SLC24A2: variants seen among roughly 807,000 people sequenced by gnomAD.
The protein encoded by SLC24A2 is sodium/potassium/calcium exchanger 2.
A neutral mutation model predicts 62.0 loss-of-function variants in SLC24A2; 36 were observed. That is an observed-to-expected ratio of 0.58 (90% confidence interval 0.44 to 0.77). SLC24A2 has a LOEUF of 0.77. SLC24A2 is among the 30% of genes least tolerant of loss of function. The pLI is 0.00. For missense variants in SLC24A2, 846 were observed against 817.9 expected, an observed-to-expected ratio of 1.03 and a Z score of -0.42; for synonymous variants, 358 against 294.0, an observed-to-expected ratio of 1.22 and a Z score of -2.23.
chr9:19,560,168 C>G (rs1019751690), intron 7 of SLC24A2, among the ~76,000 whole-genome samples: 2 of 152,250 alleles, frequency 1.3e-5, no homozygotes, highest in Non-Finnish European at 1.5e-5. Context: ...GGTATGAAAA[C>G]AGGGAGAGTC....
chr9:19,896,997 T>C, the SLC24A2 span, among the ~76,000 whole-genome samples: 3 of 152,162 alleles, frequency 2.0e-5, no homozygotes, highest in Admixed American at 1.3e-4. Context: ...ACTGAGTAAA[T>C]GAAATGTATT....
chr9:19,676,847 T>C (rs1819576219), intron 2 of SLC24A2, among the ~76,000 whole-genome samples: 1 of 152,206 alleles, frequency 6.6e-6, no homozygotes, highest in Admixed American at 6.5e-5. Context: ...TTTATTAACA[T>C]TTTTAACAAT....
At chr9:20,261,223 A>C in the SLC24A2 span, among the ~76,000 whole-genome samples, 1 of 152,092 alleles carries the variant, frequency 6.6e-6, no homozygotes, top group African/African-American at 2.4e-5. Context: ...GAGAACATAC[A>C]ATGTCTGGTT....
At chr9:19,742,151 T>C (rs968392902) in intron 2 of SLC24A2, among the ~76,000 whole-genome samples, 8 of 152,198 alleles carry the variant, frequency 5.3e-5, no homozygotes, top group South Asian at 2.1e-4. Flanking sequence ...AAAGTGTTGA[T>C]GTCATAAGCA....
intron 9 of SLC24A2, among the ~76,000 whole-genome samples, chr9:19,522,601 T>G (rs1379525451): frequency 6.6e-6 from 1 of 152,226 alleles, no homozygotes; most frequent in African/African-American, 2.4e-5. Context: ...CCTGGTGAGC[T>G]GAACTAGCTT....
chr9:19,665,849 T>C (rs1253390855), intron 2 of SLC24A2, among the ~76,000 whole-genome samples: 1 of 152,082 alleles, frequency 6.6e-6, no homozygotes, highest in Non-Finnish European at 1.5e-5. Context: ...CACAGGGTTT[T>C]TCCATGTTGC....
the SLC24A2 span, among the ~76,000 whole-genome samples, chr9:19,990,622 A>AAAAAAAC: frequency 6.9e-6 from 1 of 144,370 alleles, no homozygotes; most frequent in African/African-American, 2.6e-5. Flanking sequence ...AAAACAAAAA[A>AAAAAAAC]AAAAAAACAA....
At chr9:20,034,800 G>A in the SLC24A2 span, among the ~76,000 whole-genome samples, 2 of 152,098 alleles carry the variant, frequency 1.3e-5, no homozygotes, top group East Asian at 3.9e-4. Context: ...AGTAGATACT[G>A]TTTAAAATGG....
At chr9:19,732,259 C>A (rs765121225) in intron 2 of SLC24A2, among the ~76,000 whole-genome samples, 1 of 152,122 alleles carries the variant, frequency 6.6e-6, no homozygotes, top group African/African-American at 2.4e-5. Context: ...GTTTAGCCCC[C>A]CTGGCTGGCA....
At chr9:20,190,195 C>G in the SLC24A2 span, among the ~76,000 whole-genome samples, 2 of 152,162 alleles carry the variant, frequency 1.3e-5, no homozygotes, top group Non-Finnish European at 2.9e-5. Flanking sequence ...CTTTGTTTCT[C>G]CATTTCTGGA....
At chr9:20,085,554 C>T in the SLC24A2 span, among the ~76,000 whole-genome samples, 10 of 152,228 alleles carry the variant, frequency 6.6e-5, no homozygotes, top group African/African-American at 2.4e-4. Context: ...CATAAGCATG[C>T]TGTTCAAAAT....
chr9:19,592,901 A>T (rs1212621878), intron 5 of SLC24A2, among the ~76,000 whole-genome samples: 1 of 152,130 alleles, frequency 6.6e-6, no homozygotes, highest in Non-Finnish European at 1.5e-5. Context: ...GTGTAGGGGT[A>T]GCTGAAGTTA....
At chr9:20,261,326 G>T in the SLC24A2 span, among the ~76,000 whole-genome samples, 23,374 of 152,098 alleles carry the variant, frequency 0.15, 1,885 homozygotes, top group Middle Eastern at 0.19. Context: ...GTGGAGGCTG[G>T]GAAGTCCAGT....
At chr9:19,604,457 C>T (rs7466461) in intron 4 of SLC24A2, among the ~76,000 whole-genome samples, 4 of 152,190 alleles carry the variant, frequency 2.6e-5, no homozygotes, top group Non-Finnish European at 5.9e-5. Flanking sequence ...GGATATACTC[C>T]TGGATCCCAT....
chr9:19,959,999 A>C, the SLC24A2 span, among the ~76,000 whole-genome samples: 1 of 152,222 alleles, frequency 6.6e-6, no homozygotes, highest in African/African-American at 2.4e-5. Flanking sequence ...GAAAAGGCTC[A>C]AGGAAGCACA....
intron 2 of SLC24A2, among the ~76,000 whole-genome samples, chr9:19,687,298 G>A (rs1259729015): frequency 2.6e-5 from 4 of 151,918 alleles, no homozygotes; most frequent in African/African-American, 7.2e-5. Flanking sequence ...AAAACAAAAC[G>A]GAACAAGTTC....
intron 8 of SLC24A2, among the ~76,000 whole-genome samples, chr9:19,533,666 C>T (rs780566001): frequency 6.6e-5 from 10 of 152,226 alleles, no homozygotes; most frequent in Non-Finnish European, 1.3e-4. Context: ...AGCTCCCAGC[C>T]ATTAACTGAG....
chr9:20,151,535 C>T, the SLC24A2 span, among the ~76,000 whole-genome samples: 2 of 151,840 alleles, frequency 1.3e-5, no homozygotes, highest in Admixed American at 1.3e-4. Flanking sequence ...CCTCTGCATT[C>T]AGCTAGCCAA....
chr9:20,223,573 TA>T, the SLC24A2 span, among the ~76,000 whole-genome samples: 3,391 of 152,278 alleles, frequency 0.022, 133 homozygotes, highest in African/African-American at 0.076. Context: ...CTATCAAATA[TA>T]ATTTATCATA....
Sources: allele counts gnomAD v4.1 joint callset (sites outside exome capture counted in the v4.1 genomes callset), GRCh38; gene constraint gnomAD v4.1.1; transcripts MANE v1.5; gene names NCBI Gene and HGNC (gene_info 2026-07-23, HGNC 2026-07-21).